Variants in CACNB4 observed in about 807,000 individuals in gnomAD.
CACNB4 encodes voltage-dependent L-type calcium channel subunit beta-4.
CACNB4 carries 32 observed loss-of-function variants against 71.2 expected under a neutral mutation model. That is an observed-to-expected ratio of 0.45 (90% CI 0.34 to 0.60). The LOEUF (loss-of-function observed/expected upper bound fraction) is 0.60, where lower values mean the gene tolerates loss of function less well. Among genes scored for constraint, CACNB4 ranks in the 20% least tolerant of loss-of-function variants. The pLI, the probability that CACNB4 is intolerant of heterozygous loss-of-function variation, is 0.01. For synonymous variants in CACNB4, 231 were observed against 236.9 expected (o/e 0.97, Z 0.23); for missense variants, 464 against 647.9 (o/e 0.72, Z 3.08).
intron 2 of CACNB4, among the ~76,000 whole-genome samples, chr2:151,891,972 G>C (rs566297666): frequency 6.6e-6 from 1 of 152,126 alleles, no homozygotes; most frequent in Admixed American, 6.5e-5. Context: ...GGCTGATCCC[G>C]GCAGTTGCAC....
rs377304646 is a variant in CACNB4 at position 151,889,264 on chromosome 2, T to C, written c.148-5894A>G. ...CAGACGGATCACCTGAGGTCAGGAG[T>C]TCAAGACCAGCCTGGCCAATGTGGT... On this transcript the variant is annotated intron_variant, in intron 2 of 13. Transcript: ENST00000539935. Among the ~76,000 whole-genome samples, 15 of 151,416 alleles carry C rather than the reference T, an allele frequency of 9.9e-5. No homozygotes were observed. The East Asian group carries it at 2.3e-3, about 24-fold the overall frequency.
intron 2 of CACNB4, among the ~76,000 whole-genome samples, chr2:152,096,585 AAACC>A (rs778764732): frequency 6.6e-6 from 1 of 152,252 alleles, no homozygotes; most frequent in Non-Finnish European, 1.5e-5. Context: ...CCATTTAATC[AAACC>A]AATGAATTCC....
chr2:152,094,617 C>G (rs1256519682), intron 2 of CACNB4, among the ~76,000 whole-genome samples: 2 of 152,130 alleles, frequency 1.3e-5, no homozygotes, highest in African/African-American at 4.8e-5. Context: ...GGTCATTGAG[C>G]CCGCCCTCTC....
At chr2:152,029,779 C>G (rs1045227269) in intron 2 of CACNB4, among the ~76,000 whole-genome samples, 2 of 152,124 alleles carry the variant, frequency 1.3e-5, no homozygotes, top group Non-Finnish European at 2.9e-5. Flanking sequence ...CTGGATTGAC[C>G]CCTTGCCCCT....
chr2:152,031,941 C>T (rs986633399), intron 2 of CACNB4, among the ~76,000 whole-genome samples: 1 of 152,292 alleles, frequency 6.6e-6, no homozygotes, highest in African/African-American at 2.4e-5. Context: ...GGGTGAAAGC[C>T]TCACAGCCCG....
intron 6 of CACNB4, 76 bp downstream of exon 6, chr2:151,872,341 A>G: frequency 1.2e-6 from 1 of 804,864 alleles, no homozygotes; most frequent in Non-Finnish European, 2.1e-6. Context: ...CAAATTAGCA[A>G]AACTACTTGC....
chr2:151,894,551 T>C (rs2099851535), intron 2 of CACNB4, among the ~76,000 whole-genome samples: 1 of 152,136 alleles, frequency 6.6e-6, no homozygotes, highest in Admixed American at 6.6e-5. Context: ...TACTGAAAGA[T>C]TTAGCCAGAG....
intron 4 of CACNB4, among the ~76,000 whole-genome samples, chr2:151,878,580 C>CACACACACACACAG (rs1209836611): frequency 1.5e-5 from 2 of 136,038 alleles, no homozygotes; most frequent in African/African-American, 2.5e-5. Context: ...CACACACACA[C>CACACACACACACAG]AGTTAGCTGG....
intron 8 of CACNB4, chr2:151,870,186 G>A: frequency 1.5e-6 from 1 of 678,212 alleles, no homozygotes; most frequent in Non-Finnish European, 2.7e-6. Flanking sequence ...CTCTTGTGCT[G>A]TTCATTCTCT....
intron 2 of CACNB4, among the ~76,000 whole-genome samples, chr2:151,909,704 G>A (rs1476628416): frequency 6.6e-6 from 1 of 152,110 alleles, no homozygotes; most frequent in Non-Finnish European, 1.5e-5. Flanking sequence ...AGTTTGCTGA[G>A]GATGATGGCT....
intron 2 of CACNB4, among the ~76,000 whole-genome samples, chr2:151,983,904 T>C (rs986831373): frequency 7.9e-5 from 12 of 152,170 alleles, no homozygotes; most frequent in African/African-American, 2.9e-4. Flanking sequence ...AAATACTACC[T>C]GACCCTCTGG....
intron 2 of CACNB4, among the ~76,000 whole-genome samples, chr2:151,931,254 A>T (rs2099861554): frequency 1.3e-5 from 2 of 152,242 alleles, no homozygotes; most frequent in South Asian, 4.1e-4. Flanking sequence ...ACCAGTTTAT[A>T]TGAGTAATGC....
intron 2 of CACNB4, among the ~76,000 whole-genome samples, chr2:152,073,851 C>T (rs187706675): frequency 3.3e-5 from 5 of 152,236 alleles, no homozygotes; most frequent in East Asian, 1.9e-4. Flanking sequence ...AACAATGCAA[C>T]GGCCTCATCT....
intron 2 of CACNB4, among the ~76,000 whole-genome samples, chr2:151,911,895 G>A (rs913115593): frequency 3.9e-5 from 6 of 151,916 alleles, no homozygotes; most frequent in Admixed American, 1.3e-4. Context: ...GTTTAATCTC[G>A]GTAGGGTGTA....
At chr2:152,049,928 A>C (rs1463775123) in intron 2 of CACNB4, among the ~76,000 whole-genome samples, 1 of 152,254 alleles carries the variant, frequency 6.6e-6, no homozygotes, top group Admixed American at 6.5e-5. Flanking sequence ...CTGAGGGCCA[A>C]ATGTGTCGAC....
At chr2:152,035,116 G>C (rs796869780) in intron 2 of CACNB4, among the ~76,000 whole-genome samples, 47 of 152,360 alleles carry the variant, frequency 3.1e-4, no homozygotes, top group African/African-American at 1.0e-3. Context: ...GTGACGTTCA[G>C]TGAGAGACAT....
At chr2:152,061,000 C>A (rs950297557) in intron 2 of CACNB4, among the ~76,000 whole-genome samples, 1 of 152,126 alleles carries the variant, frequency 6.6e-6, no homozygotes, top group Non-Finnish European at 1.5e-5. Context: ...ACATATATTT[C>A]TTTTTAATCA....
At position 151,870,515 on chromosome 2, in the gene CACNB4, C is replaced by T; in HGVS notation, c.699+16G>A. ...TGCTCGATCAAGAACTGAAGAGTAACAGATGATATTTGTACCTCGTAACCT... is the reference window on the plus strand; with the variant it reads ...TGCTCGATCAAGAACTGAAGAGTAATAGATGATATTTGTACCTCGTAACCT... On this transcript the variant is annotated intron_variant, in intron 8 of 13. Transcript: ENST00000539935. 1 of 1,602,864 alleles carries T rather than the reference C, an allele frequency of 6.2e-7. No individual in the cohort carries two copies. The highest frequency in any genetic ancestry group is 8.5e-7 in the Non-Finnish European group (1 of 1,170,176).
intron 2 of CACNB4, among the ~76,000 whole-genome samples, chr2:152,056,228 G>T (rs1374674480): frequency 1.3e-5 from 2 of 151,958 alleles, no homozygotes; most frequent in Admixed American, 6.6e-5. Flanking sequence ...CAGGCATGGT[G>T]GCAGGGCCTG....
Sources: allele counts gnomAD v4.1 joint callset (sites outside exome capture counted in the v4.1 genomes callset), GRCh38; gene constraint gnomAD v4.1.1; transcripts MANE v1.5; gene names NCBI Gene and HGNC (gene_info 2026-07-23, HGNC 2026-07-21).